The following C10orf143 variants were observed in gnomAD, a reference collection of about 807,000 sequenced individuals.
The protein encoded by C10orf143 is chromosome 10 open reading frame 143.
chr10:130,060,633 C>A (rs192028843), downstream of C10orf143, among the ~76,000 whole-genome samples: 97 of 149,662 alleles, frequency 6.5e-4, no homozygotes, highest in Non-Finnish European at 1.1e-3. Context: ...ACCATCCTGG[C>A]TAACACGGTG....
At chr10:130,075,059 A>G (rs1302299318) in intron 3 of C10orf143, among the ~76,000 whole-genome samples, 1 of 152,138 alleles carries the variant, frequency 6.6e-6, no homozygotes. Flanking sequence ...GAGGCTTATT[A>G]AGACTGCTCC....
At chr10:130,048,111 A>G (rs1298328699) in intron 3 of C10orf143, among the ~76,000 whole-genome samples, 46 of 152,182 alleles carry the variant, frequency 3.0e-4, no homozygotes, top group Admixed American at 3.0e-3. Flanking sequence ...GGTGCCCTGG[A>G]GCCCAGTAAG....
At chr10:130,045,702 T>TGAAGTCACGACTCAG (rs1239067707) in intron 3 of C10orf143, among the ~76,000 whole-genome samples, 4 of 152,218 alleles carry the variant, frequency 2.6e-5, no homozygotes, top group African/African-American at 9.6e-5. Context: ...CAACTGGACC[T>TGAAGTCACGACTCAG]GAAGTCACGA....
intron 1 of C10orf143, among the ~76,000 whole-genome samples, chr10:130,090,428 G>A (rs2134786620): frequency 6.6e-6 from 1 of 152,290 alleles, no homozygotes; most frequent in East Asian, 1.9e-4. Context: ...CAGACCAGGA[G>A]ATTCCCTCGG....
At chr10:130,089,707 T>C (rs1317680003) in intron 1 of C10orf143, among the ~76,000 whole-genome samples, 1 of 152,204 alleles carries the variant, frequency 6.6e-6, no homozygotes, top group African/African-American at 2.4e-5. Context: ...AGGATGAACA[T>C]ACAGGTCAAT....
chr10:130,055,000 C>A (rs1180481174), intron 3 of C10orf143, among the ~76,000 whole-genome samples: 1 of 151,682 alleles, frequency 6.6e-6, no homozygotes, highest in Non-Finnish European at 1.5e-5. Context: ...ACTGGATATG[C>A]AAATACAAAA....
chr10:130,039,316 G>C (rs548100604), intron 3 of C10orf143, among the ~76,000 whole-genome samples: 6 of 152,126 alleles, frequency 3.9e-5, no homozygotes, highest in Non-Finnish European at 7.4e-5. Flanking sequence ...CGGAGGCCGA[G>C]GACCACCGGT....
At chr10:130,060,640 G>A (rs549720556), downstream of C10orf143, among the ~76,000 whole-genome samples, 6 of 149,998 alleles carry the variant, frequency 4.0e-5, no homozygotes, top group East Asian at 8.2e-4. Context: ...TGGCTAACAC[G>A]GTGAAACCCC....
intron 3 of C10orf143, among the ~76,000 whole-genome samples, chr10:130,070,341 C>G (rs866968721): frequency 4.6e-5 from 7 of 152,332 alleles, no homozygotes; most frequent in Middle Eastern, 3.4e-3. Flanking sequence ...CCTGGTGCAG[C>G]CTGTCCACAT....
chr10:130,043,623 AC>A (rs1178881915), intron 3 of C10orf143, among the ~76,000 whole-genome samples: 18 of 152,126 alleles, frequency 1.2e-4, no homozygotes. Context: ...GGGGGAACAA[AC>A]CCCATAAGCA....
At chr10:130,060,995 A>G (rs180999993), downstream of C10orf143, among the ~76,000 whole-genome samples, 154 of 152,092 alleles carry the variant, frequency 1.0e-3, no homozygotes, top group African/African-American at 3.6e-3. Flanking sequence ...AAAATTAGCC[A>G]GGCGTGGTGA....
At chr10:130,081,438 A>C (rs1397408104) in intron 1 of C10orf143, among the ~76,000 whole-genome samples, 1 of 152,240 alleles carries the variant, frequency 6.6e-6, no homozygotes, top group East Asian at 1.9e-4. Flanking sequence ...ACAAGTAAGG[A>C]GATAGATTTA....
rs575179605 is a variant in C10orf143, at chr10:130,056,327, G to T, written c.298-20357C>A. On this transcript the variant is annotated intron_variant and NMD_transcript_variant, in intron 3 of 5. Transcript: ENST00000643056. This position sits in a 1 kb window ranked among gnomAD's most constrained non-coding sequence, Gnocchi z 4.6. ...CAGTGGCCGTACCAGAAGATCAGGG[G>T]TGGGGGTGCCGTCATGAGCAGGATG... is the stretch of plus-strand genomic sequence containing the variant. Among the ~76,000 whole-genome samples the T allele has an allele frequency of 6.6e-6, 1 of 152,248 alleles. No homozygotes were observed. Among genetic ancestry groups the T allele is most frequent in the East Asian group, 1.9e-4 (1 of 5,166 alleles).
intron 1 of C10orf143, among the ~76,000 whole-genome samples, chr10:130,101,429 CAG>C (rs1214236272): frequency 6.6e-6 from 1 of 151,920 alleles, no homozygotes; most frequent in African/African-American, 2.4e-5. Context: ...CACTGAGGAG[CAG>C]AGAGAGGGTG....
chr10:130,110,031 C>T (rs1379505235), intron 1 of C10orf143, among the ~76,000 whole-genome samples: 2 of 152,132 alleles, frequency 1.3e-5, no homozygotes, highest in African/African-American at 4.8e-5. Flanking sequence ...CTTTCAGTGC[C>T]CCTAAGACGC....
At chr10:130,079,407 T>G (rs1043002662) in intron 3 of C10orf143, among the ~76,000 whole-genome samples, 159 bp downstream of exon 3, 2 of 152,250 alleles carry the variant, frequency 1.3e-5, no homozygotes, top group Non-Finnish European at 2.9e-5. Flanking sequence ...TGTACACCGA[T>G]AGAATGCTAA....
chr10:130,050,470 G>A (rs747799117), intron 3 of C10orf143, among the ~76,000 whole-genome samples: 7 of 152,196 alleles, frequency 4.6e-5, no homozygotes, highest in Non-Finnish European at 8.8e-5. Context: ...GCTGCAGTGA[G>A]CCCTGGTTGC....
chr10:130,098,089 C>G (rs1347564687), intron 1 of C10orf143, among the ~76,000 whole-genome samples: 1 of 151,860 alleles, frequency 6.6e-6, no homozygotes, highest in Non-Finnish European at 1.5e-5. Flanking sequence ...CTGGGAGGCC[C>G]AGGCAGGAGG....
intron 3 of C10orf143, among the ~76,000 whole-genome samples, chr10:130,046,593 C>A (rs947530592): frequency 6.6e-6 from 1 of 152,202 alleles, no homozygotes; most frequent in Non-Finnish European, 1.5e-5. Flanking sequence ...ACATTTTAAT[C>A]AAAAATAGAT....
Sources: allele counts gnomAD v4.1 joint callset (sites outside exome capture counted in the v4.1 genomes callset), GRCh38; gene constraint gnomAD v4.1.1; non-coding constraint Gnocchi (gnomAD v3.1); transcripts MANE v1.5; gene names NCBI Gene and HGNC (gene_info 2026-07-23, HGNC 2026-07-21).